OR7A5: variants seen among roughly 807,000 people sequenced by gnomAD.
The protein encoded by OR7A5 is olfactory receptor 7A5.
For missense variants in OR7A5, 319 were observed against 377.9 expected, an observed-to-expected ratio of 0.84 and a Z score of 1.29; for synonymous variants, 140 against 146.7, an observed-to-expected ratio of 0.95 and a Z score of 0.33.
At chr19:14,830,379 T>C (rs1003164800) in intron 1 of OR7A5, among the ~76,000 whole-genome samples, 4 of 152,008 alleles carry the variant, frequency 2.6e-5, no homozygotes, top group African/African-American at 9.7e-5. Flanking sequence ...TCTAATAAAC[T>C]CAGGTAATCC....
rs769062612 is a variant in OR7A5 at position 14,828,112 on chromosome 19, G to T, written c.130C>A (p.Leu44Ile). ...TCTGAGATTGTGGCCAGGATGATGA[G>T]CAGGTTCCCGAGCACAGTGACCAGG... ...MYLVTVLGNL[L>I]IILATISDSH... Residue 44 changes from leucine (L) to isoleucine (I), a missense_variant, in exon 2 of 2, where the codon CTC becomes ATC. Transcript: ENST00000322301. The T allele has an allele frequency of 1.6e-4, 252 of 1,614,042 alleles. No individual in the cohort carries two copies. The highest frequency in any genetic ancestry group is 2.1e-4 in the Non-Finnish European group (242 of 1,180,032).
chr19:14,832,271 G>A (rs1379661900), intron 1 of OR7A5, among the ~76,000 whole-genome samples: 1 of 152,000 alleles, frequency 6.6e-6, no homozygotes, highest in Non-Finnish European at 1.5e-5. Flanking sequence ...TTATGACATT[G>A]CATCATGCAC....
At chr19:14,832,639 A>T (rs2044844832) in intron 1 of OR7A5, among the ~76,000 whole-genome samples, 1 of 151,132 alleles carries the variant, frequency 6.6e-6, no homozygotes, top group Non-Finnish European at 1.5e-5. Context: ...GTTGGCCAGG[A>T]TGGTCTCGAT....
intron 1 of OR7A5, among the ~76,000 whole-genome samples, chr19:14,833,708 G>A (rs2044856486): frequency 6.6e-6 from 1 of 152,116 alleles, no homozygotes; most frequent in Non-Finnish European, 1.5e-5. Context: ...GTATAAAAAT[G>A]GGCATATAGT....
In OR7A5 at chr19:14,826,392, T is replaced by C. The variant is rs1012430200; in HGVS notation, c.*890A>G. On this transcript the variant is annotated 3_prime_UTR_variant, in exon 2 of 2. Transcript: ENST00000322301. The stretch of plus-strand genomic sequence containing the variant: ...ATAATGAAGGAGGTATTTTGGTTAG[T>C]GGGATAGAAGGATTCGTATTTGTAG... The C allele has an allele frequency of 1.3e-5, 2 of 152,218 alleles. No homozygotes were observed. The highest frequency in any genetic ancestry group is 2.4e-5 in the African/African-American group (1 of 41,476). 9.4% of individuals were successfully genotyped at this position (152,218 alleles called of 1,614,324 possible).
chr19:14,827,292 T>C lies in OR7A5; in HGVS notation c.950A>G (p.Lys317Arg). 6.5e-7 allele frequency: 1 copy of C among 1,549,404 alleles called. No individual in the cohort carries two copies. The highest frequency in any genetic ancestry group is 1.4e-5 in the African/African-American group (1 of 72,892). The change falls in exon 2 of 2, where the codon AAG becomes AGG. Residue 317 changes from lysine (K) to arginine (R), a missense_variant. Physicochemically the swap from Lys to Arg is conservative, Grantham distance 26 (BLOSUM62 2). Transcript: ENST00000322301. ...CTTAGAGCCCTGCAATCATGGGCAC[T>C]TCTTGAAAAATTGCCCTTTCATTGT... ...WGTMKGQFFK[K>R]CP
chr19:14,828,651 T>A (rs992814057), intron 1 of OR7A5, among the ~76,000 whole-genome samples: 3 of 148,920 alleles, frequency 2.0e-5, no homozygotes, highest in African/African-American at 7.5e-5. Context: ...CCCAGCTACT[T>A]GGGAGGCTGA....
At chr19:14,830,098 A>T (rs2075512229) in intron 1 of OR7A5, among the ~76,000 whole-genome samples, 2 of 152,064 alleles carry the variant, frequency 1.3e-5, no homozygotes, top group South Asian at 4.1e-4. Context: ...CCTGGCCTCA[A>T]GTGAACCTTC....
intron 1 of OR7A5, among the ~76,000 whole-genome samples, chr19:14,833,924 A>C (rs375964679): frequency 1.3e-5 from 2 of 152,244 alleles, no homozygotes; most frequent in East Asian, 1.9e-4. Context: ...AATAAGTGTC[A>C]TAATGTCTTG....
chr19:14,827,201 A>G lies in OR7A5; in HGVS notation c.*81T>C, dbSNP rs2240560. 1.5e-6 allele frequency: 2 copies of G among 1,370,582 alleles called. No individual in the cohort carries two copies. The highest frequency in any genetic ancestry group is 2.5e-5 in the Admixed American group (1 of 39,786). 84.9% of individuals were successfully genotyped at this position (1,370,582 alleles called of 1,614,324 possible). The stretch of plus-strand genomic sequence containing the variant: ...TGAAACTCCCAGAAATATAATAAGT[A>G]TTAATAGAAGGAGCAAGTTCTATTT... On this transcript the variant is annotated 3_prime_UTR_variant, in exon 2 of 2. Transcript: ENST00000322301.
At chr19:14,831,130 C>T (rs2044827924) in intron 1 of OR7A5, among the ~76,000 whole-genome samples, 1 of 152,154 alleles carries the variant, frequency 6.6e-6, no homozygotes, top group Non-Finnish European at 1.5e-5. Context: ...TTCTTACTGC[C>T]TACATGATGC....
At chr19:14,828,368 G>T (rs922817074) in intron 1 of OR7A5, 114 bp from the exon 2 acceptor site, 20 of 1,114,816 alleles carry the variant, frequency 1.8e-5, no homozygotes, top group Non-Finnish European at 2.5e-5. Flanking sequence ...TTTTGTGTAT[G>T]AATCTGGTTC....
At chr19:14,830,964 C>G (rs1367539369) in intron 1 of OR7A5, among the ~76,000 whole-genome samples, 1 of 152,200 alleles carries the variant, frequency 6.6e-6, no homozygotes, top group Non-Finnish European at 1.5e-5. Context: ...CTCTTCAGCT[C>G]GCAGCACAAG....
At position 14,828,041 on chromosome 19, in the gene OR7A5, G is replaced by A. The variant is rs751059842; in HGVS notation, c.201C>T (p.Ser67=). ...TGGAAGTAACACAAATGTCAGCAAA[G>A]GACAGGTTGGAGAGGAAGAAGTACA... is the stretch of plus-strand genomic sequence containing the variant. The part of the protein sequence containing the change: ...TPMYFFLSNL[S]FADICVTSTT... Residue 67 remains serine, a synonymous_variant, in exon 2 of 2, where the codon TCC becomes TCT. Coordinates refer to ENST00000322301, the MANE Select transcript of OR7A5 (RefSeq NM_017506.2). 2 of 1,614,116 alleles carry A rather than the reference G, an allele frequency of 1.2e-6. No homozygotes were observed. The highest frequency in any genetic ancestry group is 2.7e-5 in the African/African-American group (2 of 74,942).
chr19:14,834,345 G>C lies in OR7A5; in HGVS notation c.-14+729C>G, dbSNP rs556761443. 2.6e-5 allele frequency among the ~76,000 whole-genome samples: 4 copies of C among 152,246 alleles called. No individual in the cohort carries two copies. The East Asian group carries it at 5.8e-4, about 22-fold the overall frequency. ...AAGCCAGCAGATATTCCTCGCCACAGTGTTTCTCAATCTCAGCACTATTGA... is the reference window on the plus strand; with the variant it reads ...AAGCCAGCAGATATTCCTCGCCACACTGTTTCTCAATCTCAGCACTATTGA... On this transcript the variant is annotated intron_variant, in intron 1 of 1. Transcript: ENST00000322301.
At chr19:14,831,627 T>A (rs1483343606) in intron 1 of OR7A5, among the ~76,000 whole-genome samples, 1 of 152,006 alleles carries the variant, frequency 6.6e-6, no homozygotes, top group African/African-American at 2.4e-5. Context: ...GTATTTTTAG[T>A]AGAGATGGGG....
intron 1 of OR7A5, among the ~76,000 whole-genome samples, chr19:14,834,740 C>A (rs2044868491): frequency 6.6e-6 from 1 of 152,144 alleles, no homozygotes; most frequent in Non-Finnish European, 1.5e-5. Context: ...ACAGCCAATA[C>A]ACGATTTCTC....
Position 14,835,129 on chromosome 19 carries a change from G to A in OR7A5, c.-69C>T, listed in dbSNP as rs143618048. 16 of 152,190 alleles carry A rather than the reference G, an allele frequency of 1.1e-4. No individual in the cohort carries two copies. In the East Asian group the frequency reaches 2.9e-3, roughly 28 times the overall value. 9.4% of individuals were successfully genotyped at this position (152,190 alleles called of 1,614,324 possible). ...TTGTGTAAGTGCAAATTCCTCACTG[G>A]ATGATTGATGGTGGAGACTGAAGCT... On this transcript the variant is annotated 5_prime_UTR_variant, in exon 1 of 2. Coordinates refer to ENST00000322301, the MANE Select transcript of OR7A5 (RefSeq NM_017506.2).
At position 14,829,569 on chromosome 19, in the gene OR7A5, C is replaced by T. The variant is rs143051558; in HGVS notation, c.-13-1315G>A. On this transcript the variant is annotated intron_variant, in intron 1 of 1. Transcript: ENST00000322301. The stretch of plus-strand genomic sequence containing the variant: ...CAGTGTGGCCAGGGAATCAGTAAGA[C>T]GGAGAGTGATGGGACATGGTGTCAG... 4.2e-3 allele frequency among the ~76,000 whole-genome samples: 636 copies of T among 152,234 alleles called. 5 individuals are homozygous for T. The highest frequency in any genetic ancestry group is 7.3e-3 in the Non-Finnish European group (495 of 68,010).
Sources: allele counts gnomAD v4.1 joint callset (sites outside exome capture counted in the v4.1 genomes callset), GRCh38; gene constraint gnomAD v4.1.1; transcripts MANE v1.5; gene names NCBI Gene and HGNC (gene_info 2026-07-23, HGNC 2026-07-21).